JMJD1C: variants seen among roughly 807,000 people sequenced by gnomAD.
JMJD1C encodes jumonji domain-containing protein 1C.
JMJD1C carries 31 observed loss-of-function variants against 245.3 expected under a neutral mutation model. That is an observed-to-expected ratio of 0.13 (90% CI 0.09 to 0.17). The LOEUF (loss-of-function observed/expected upper bound fraction) is 0.17, where lower values mean the gene tolerates loss of function less well. Ranked by LOEUF, JMJD1C falls within the 10% of genes least tolerant of loss-of-function variation. JMJD1C has a pLI of 1.00. For synonymous variants in JMJD1C, 1,057 were observed against 1,017.4 expected (o/e 1.04, Z -0.74); for missense variants, 2,691 against 3,000.2 (o/e 0.90, Z 2.41).
chr10:63,210,293 T>TA (rs1336424585), intron 8 of JMJD1C, among the ~76,000 whole-genome samples: 3 of 152,210 alleles, frequency 2.0e-5, no homozygotes, highest in Middle Eastern at 3.4e-3. Flanking sequence ...AATAGTGTCT[T>TA]ATGCTTGTAT....
At chr10:63,278,183 G>A (rs1857004572) in intron 2 of JMJD1C, among the ~76,000 whole-genome samples, 1 of 151,832 alleles carries the variant, frequency 6.6e-6, no homozygotes, top group Non-Finnish European at 1.5e-5. Flanking sequence ...TCTGCAGTGG[G>A]TTAAAGAGTA....
chr10:63,484,075 A>C (rs937720905), intron 1 of JMJD1C, among the ~76,000 whole-genome samples: 2 of 152,148 alleles, frequency 1.3e-5, no homozygotes, highest in Non-Finnish European at 2.9e-5. Context: ...TATGAACATG[A>C]CTTCACAGTG....
chr10:63,461,902 G>A (rs1207142136), intron 1 of JMJD1C, among the ~76,000 whole-genome samples: 2 of 152,080 alleles, frequency 1.3e-5, no homozygotes, highest in Non-Finnish European at 2.9e-5. Context: ...AGAGTAAATT[G>A]ATGTCTGCTA....
chr10:63,314,459 C>T (rs879674521), intron 2 of JMJD1C, among the ~76,000 whole-genome samples: 1 of 152,182 alleles, frequency 6.6e-6, no homozygotes, highest in Admixed American at 6.5e-5. Flanking sequence ...ACTTGGGAGA[C>T]TGAGGTGGGA....
At chr10:63,428,352 A>G (rs1341542474) in intron 1 of JMJD1C, among the ~76,000 whole-genome samples, 5 of 152,250 alleles carry the variant, frequency 3.3e-5, no homozygotes, top group Admixed American at 3.3e-4. Context: ...AATATTGACA[A>G]AAGATCAATT....
chr10:63,172,197 T>C (rs540553960), intron 24 of JMJD1C, among the ~76,000 whole-genome samples: 31 of 152,370 alleles, frequency 2.0e-4, no homozygotes, highest in African/African-American at 7.2e-4. Context: ...TTGGTGTATT[T>C]AGATATAACA....
In JMJD1C at chr10:63,295,096, T is replaced by A. The variant is rs192712892; in HGVS notation, c.334-30332A>T. On this transcript the variant is annotated intron_variant, in intron 2 of 25. Coordinates refer to ENST00000399262, the MANE Select transcript of JMJD1C (RefSeq NM_032776.3). ...AAAAAAAAAGGAATAGCATTTAGAT[T>A]TTTTGTTTTGAGTGAGGATCTCTCC... is the stretch of plus-strand genomic sequence containing the variant. Among the ~76,000 whole-genome samples, 91 of 152,142 alleles carry A rather than the reference T, an allele frequency of 6.0e-4. 1 individual carries two copies. The highest frequency in any genetic ancestry group is 6.8e-3 in the Middle Eastern group (2 of 294).
At chr10:63,445,892 CCAGA>C (rs1951689971) in intron 1 of JMJD1C, among the ~76,000 whole-genome samples, 4 of 31,090 alleles carry the variant, frequency 1.3e-4, no homozygotes, top group African/African-American at 3.8e-4. Context: ...TTTTTTTTTT[CCAGA>C]CAGAGTCTCA....
At chr10:63,517,096 A>G (rs2133303408) in intron 1 of JMJD1C, among the ~76,000 whole-genome samples, 1 of 152,260 alleles carries the variant, frequency 6.6e-6, no homozygotes, top group East Asian at 1.9e-4. Context: ...AAATAAATAT[A>G]TTTTTTAGCC....
At chr10:63,400,923 A>G (rs1948809840) in intron 1 of JMJD1C, among the ~76,000 whole-genome samples, 1 of 151,880 alleles carries the variant, frequency 6.6e-6, no homozygotes, top group Admixed American at 6.6e-5. Context: ...TTTTGTCACC[A>G]GGCTGGAGTG....
At chr10:63,407,752 G>C (rs1949252728) in intron 1 of JMJD1C, among the ~76,000 whole-genome samples, 1 of 149,836 alleles carries the variant, frequency 6.7e-6, no homozygotes, top group East Asian at 2.0e-4. Flanking sequence ...TCTGAATGAG[G>C]TAAGAGGAAA....
At chr10:63,377,592 G>T (rs772966486) in intron 2 of JMJD1C, among the ~76,000 whole-genome samples, 1 of 151,992 alleles carries the variant, frequency 6.6e-6, no homozygotes, top group East Asian at 1.9e-4. Flanking sequence ...AAAATTAGCC[G>T]GGCATGATGG....
At chr10:63,291,081 C>T (rs1343593788) in intron 2 of JMJD1C, among the ~76,000 whole-genome samples, 5 of 151,796 alleles carry the variant, frequency 3.3e-5, no homozygotes, top group Admixed American at 6.6e-5. Context: ...CCGAGGTGGG[C>T]GGATCACGAG....
At chr10:63,230,135 G>A (rs1849781275) in intron 3 of JMJD1C, among the ~76,000 whole-genome samples, 1 of 152,218 alleles carries the variant, frequency 6.6e-6, no homozygotes. Flanking sequence ...CACTTTGGGA[G>A]GCTGAGGTGG....
intron 1 of JMJD1C, among the ~76,000 whole-genome samples, chr10:63,387,437 C>G (rs1239044372): frequency 6.6e-6 from 1 of 151,558 alleles, no homozygotes; most frequent in Admixed American, 6.6e-5. Flanking sequence ...AAAAACAATT[C>G]AGGATATGAA....
chr10:63,471,589 T>C lies in JMJD1C; in HGVS notation n.113+50149A>G, dbSNP rs1369370151. Among the ~76,000 whole-genome samples the C allele has an allele frequency of 3.3e-5, 5 of 152,334 alleles. No homozygotes were observed. In the East Asian group the frequency reaches 9.6e-4, roughly 29 times the overall value. On this transcript the variant is annotated intron_variant and non_coding_transcript_variant, in intron 1 of 3. Coordinates refer to the JMJD1C transcript ENST00000633035. ...TTTCTCAAAGGTCTCAAAGAAGATATACATATGATTAATACTAATATTACT... is the reference window on the plus strand; with the variant it reads ...TTTCTCAAAGGTCTCAAAGAAGATACACATATGATTAATACTAATATTACT...
At chr10:63,310,023 T>A (rs1340458548) in intron 2 of JMJD1C, among the ~76,000 whole-genome samples, 1 of 152,164 alleles carries the variant, frequency 6.6e-6, no homozygotes, top group Non-Finnish European at 1.5e-5. Context: ...TTTCTCTATA[T>A]CAGTATTTAC....
At chr10:63,227,275 C>A (rs1018483710) in intron 3 of JMJD1C, among the ~76,000 whole-genome samples, 5 of 152,090 alleles carry the variant, frequency 3.3e-5, no homozygotes, top group Non-Finnish European at 5.9e-5. Context: ...TAAAAATATA[C>A]ACAACTCATT....
intron 3 of JMJD1C, among the ~76,000 whole-genome samples, chr10:63,234,709 G>T (rs1850505721): frequency 7.0e-6 from 1 of 143,728 alleles, no homozygotes; most frequent in South Asian, 2.2e-4. Flanking sequence ...AAGGCGGGAG[G>T]ATCACTTGAG....
Sources: allele counts gnomAD v4.1 joint callset (sites outside exome capture counted in the v4.1 genomes callset), GRCh38; gene constraint gnomAD v4.1.1; transcripts MANE v1.5; gene names NCBI Gene and HGNC (gene_info 2026-07-23, HGNC 2026-07-21).